ZNF664: variants seen among roughly 807,000 people sequenced by gnomAD.
The protein encoded by ZNF664 is zinc finger Organ of Corti 1.
Under a neutral mutation model 18.2 loss-of-function variants are expected in ZNF664, and 10 were observed. That is an observed-to-expected ratio of 0.55 (90% confidence interval 0.34 to 0.93). The LOEUF is 0.93. Among genes scored for constraint, ZNF664 ranks in the 40% least tolerant of loss-of-function variants. The pLI, the probability that ZNF664 is intolerant of heterozygous loss-of-function variation, is 0.02. For synonymous variants in ZNF664, 119 were observed against 104.2 expected (o/e 1.14, Z -0.86); for missense variants, 193 against 319.0 (o/e 0.61, Z 3.01).
chr12:123,980,393 T>C (rs1956749832), intron 2 of ZNF664, among the ~76,000 whole-genome samples: 1 of 152,208 alleles, frequency 6.6e-6, no homozygotes, highest in Non-Finnish European at 1.5e-5. Flanking sequence ...CACACTCTTA[T>C]GTTACATTGG....
rs887404824 is a variant in ZNF664 at position 124,012,681 on chromosome 12, G to C, written c.537G>C (p.Ala179=). The C allele has an allele frequency of 3.1e-6, 5 of 1,613,152 alleles. No homozygotes were observed. The highest frequency in any genetic ancestry group is 4.2e-6 in the Non-Finnish European group (5 of 1,179,874). Residue 179 remains alanine (A), a synonymous_variant, in exon 5 of 5, where the codon GCG becomes GCC. Transcript: ENST00000337815. ...ATAAATGTTATGAGTGTGGGAAGGC[G>C]TTCAGTCAGAGTTCGAGCCTCTGCA... ...KPYKCYECGK[A]FSQSSSLCIH...
intron 3 of ZNF664, among the ~76,000 whole-genome samples, chr12:123,989,838 G>C (rs890730430): frequency 6.6e-6 from 1 of 152,184 alleles, no homozygotes; most frequent in African/African-American, 2.4e-5. Flanking sequence ...GGCCCTCTCT[G>C]AGAGTATAGT....
rs1043936853 is a variant in ZNF664, at chr12:123,988,074, C to T, written c.-725C>T. The T allele has an allele frequency of 1.1e-5, 14 of 1,231,544 alleles. No individual in the cohort carries two copies. The highest frequency in any genetic ancestry group is 1.4e-5 in the Non-Finnish European group (14 of 987,864). The allele number at this position is 1,231,544 out of a possible 1,614,324, so 76.3% of individuals were successfully genotyped here. A position where few individuals can be genotyped will look rare whatever the true frequency, so the allele number is the denominator to read the frequency against. On this transcript the variant is annotated 5_prime_UTR_variant, in exon 3 of 5. Coordinates refer to ENST00000337815, the MANE Select transcript of ZNF664 (RefSeq NM_152437.3). ...CCTAAGGCCTTTGTAGTCCTTCAGC[C>T]ACTGTGGGCCCTGCCTCTGCCTGTT...
chr12:124,009,721 G>T (rs1957112542), intron 3 of ZNF664, among the ~76,000 whole-genome samples: 3 of 151,902 alleles, frequency 2.0e-5, no homozygotes, highest in Admixed American at 1.3e-4. Flanking sequence ...TCCCTATGTT[G>T]CCCAGGCTGG....
Position 124,011,973 on chromosome 12 carries a change from G to T in ZNF664, c.-172G>T. On this transcript the variant is annotated 5_prime_UTR_variant, in exon 5 of 5. Coordinates refer to ENST00000337815, the MANE Select transcript of ZNF664 (RefSeq NM_152437.3). ...AACACTATGCAGGAAGAAACCTTCC[G>T]TAGAAAGACAGGCAGGGAAAAGCTT... 1.4e-6 allele frequency: 2 copies of T among 1,426,734 alleles called. No individual in the cohort carries two copies. Among genetic ancestry groups the T allele is most frequent in the Non-Finnish European group, 1.8e-6 (2 of 1,099,262 alleles). The allele number at this position is 1,426,734 out of a possible 1,614,324, so 88.4% of individuals were successfully genotyped here.
Position 124,012,216 on chromosome 12 carries a change from T to C in ZNF664, c.72T>C (p.Ile24=). Residue 24 remains isoleucine (I), a synonymous_variant, in exon 5 of 5, where the codon ATT becomes ATC. Transcript: ENST00000337815. ...ERADLFMHQK[I]HTAEKPHKCD... Reference sequence around the variant, plus strand: ...CAGATCTTTTTATGCATCAGAAAATTCACACAGCTGAGAAGCCCCATAAAT... The same window carrying C: ...CAGATCTTTTTATGCATCAGAAAATCCACACAGCTGAGAAGCCCCATAAAT... 1 of 1,613,842 alleles carries C rather than the reference T, an allele frequency of 6.2e-7. No individual in the cohort carries two copies. The highest frequency in any genetic ancestry group is 2.2e-5 in the East Asian group (1 of 44,852).
Position 123,973,485 on chromosome 12 carries a change from A to C in ZNF664, c.-892+133A>C, listed in dbSNP as rs1956624369. Reference sequence around the variant, plus strand: ...AGAAAAGAAAAACAACCCATCCCGGAGGATGGGCCTCGGGATGGCGGGGAA... The same window carrying C: ...AGAAAAGAAAAACAACCCATCCCGGCGGATGGGCCTCGGGATGGCGGGGAA... On this transcript the variant is annotated intron_variant, in intron 1 of 4. Transcript: ENST00000337815. The C allele has an allele frequency of 7.7e-6, 4 of 520,994 alleles. No individual in the cohort carries two copies. In the African/African-American group the frequency reaches 8.4e-5, roughly 11 times the overall value. The allele number at this position is 520,994 out of a possible 1,614,324, so 32.3% of individuals were successfully genotyped here.
At chr12:123,985,242 G>A (rs994977919) in intron 2 of ZNF664, among the ~76,000 whole-genome samples, 3 of 152,138 alleles carry the variant, frequency 2.0e-5, no homozygotes, top group African/African-American at 7.2e-5. Flanking sequence ...ACTCTAGAAA[G>A]GATTATTTTT....
chr12:123,974,091 G>T, intron 2 of ZNF664, 71 bp downstream of exon 2: 1 of 1,090,296 alleles, frequency 9.2e-7, no homozygotes, highest in South Asian at 4.7e-5. Flanking sequence ...CCCCTTCCAG[G>T]ACTCGACTGC....
rs1280065560 is a variant in ZNF664 at position 123,973,302 on chromosome 12, A to G, written c.-942A>G. ...CTGTGAGGTGTCCCTGAGGAGAGGG[A>G]GGTGGGTGCGCGGCGCCCGCGGCCT... On this transcript the variant is annotated 5_prime_UTR_variant, in exon 1 of 5. Transcript: ENST00000337815. 1.2e-4 allele frequency: 119 copies of G among 980,152 alleles called. No individual in the cohort carries two copies. The African/African-American group carries it at 2.1e-3, about 17-fold the overall frequency. 60.7% of individuals were successfully genotyped at this position (980,152 alleles called of 1,614,324 possible).
chr12:124,010,678 C>T (rs1376062428), intron 3 of ZNF664, among the ~76,000 whole-genome samples: 1 of 152,206 alleles, frequency 6.6e-6, no homozygotes, highest in Non-Finnish European at 1.5e-5. Context: ...GAGCAACGCA[C>T]ACAGTTCCTC....
intron 3 of ZNF664, among the ~76,000 whole-genome samples, chr12:124,003,742 C>A (rs1957039963): frequency 6.6e-6 from 1 of 152,026 alleles, no homozygotes; most frequent in Non-Finnish European, 1.5e-5. Context: ...AGGTTATCAG[C>A]CACGAGTGAG....
chr12:123,975,070 G>A (rs555596402), intron 2 of ZNF664, among the ~76,000 whole-genome samples: 1 of 152,176 alleles, frequency 6.6e-6, no homozygotes, highest in Non-Finnish European at 1.5e-5. Flanking sequence ...TGACCTTGGG[G>A]AGGACATTGA....
intron 3 of ZNF664, among the ~76,000 whole-genome samples, chr12:123,993,977 C>G (rs1322835731): frequency 1.3e-5 from 2 of 152,062 alleles, no homozygotes; most frequent in African/African-American, 4.8e-5. Context: ...TGTAAGAATA[C>G]CTTAGTGAAT....
intron 2 of ZNF664, chr12:123,974,365 G>A (rs1011763128): frequency 4.4e-6 from 1 of 228,336 alleles, no homozygotes; most frequent in African/African-American, 2.3e-5. Context: ...CTGAGCTATT[G>A]CCTTCTTCAA....
chr12:123,977,988 TTTAAG>T (rs1258975547), intron 2 of ZNF664, among the ~76,000 whole-genome samples: 1 of 152,192 alleles, frequency 6.6e-6, no homozygotes, highest in African/African-American at 2.4e-5. Flanking sequence ...ACTGGAATCT[TTTAAG>T]TGAGGAAAAT....
chr12:124,013,164 G>A lies in ZNF664; in HGVS notation c.*234G>A, dbSNP rs1457903487. 16 of 589,124 alleles carry A rather than the reference G, an allele frequency of 2.7e-5. No homozygotes were observed. The highest frequency in any genetic ancestry group is 1.9e-5 in the African/African-American group (1 of 53,112). 36.5% of individuals were successfully genotyped at this position (589,124 alleles called of 1,614,324 possible). Reference sequence around the variant, plus strand: ...GGATGGCTCTCAGGTCCCAGTCACAGACGTCGCTTCCTGGGATTCCAGCAC... The same window carrying A: ...GGATGGCTCTCAGGTCCCAGTCACAAACGTCGCTTCCTGGGATTCCAGCAC... On this transcript the variant is annotated 3_prime_UTR_variant, in exon 5 of 5. Coordinates refer to ENST00000337815, the MANE Select transcript of ZNF664 (RefSeq NM_152437.3).
At chr12:123,977,252 G>T (rs985850827) in intron 2 of ZNF664, among the ~76,000 whole-genome samples, 1 of 152,148 alleles carries the variant, frequency 6.6e-6, no homozygotes, top group African/African-American at 2.4e-5. Flanking sequence ...ATTTAACAAG[G>T]TTTGTATGTT....
At chr12:124,001,438 C>T (rs1345107980) in intron 3 of ZNF664, among the ~76,000 whole-genome samples, 2 of 152,222 alleles carry the variant, frequency 1.3e-5, no homozygotes, top group African/African-American at 2.4e-5. Context: ...TCTACCCTCT[C>T]ATCTGGCACT....
Sources: allele counts gnomAD v4.1 joint callset (sites outside exome capture counted in the v4.1 genomes callset), GRCh38; gene constraint gnomAD v4.1.1; transcripts MANE v1.5; gene names NCBI Gene and HGNC (gene_info 2026-07-23, HGNC 2026-07-21).